Variants in MAGI2 observed in about 807,000 individuals in gnomAD.
The protein encoded by MAGI2 is membrane-associated guanylate kinase, WW and PDZ domain-containing protein 2.
Under a neutral mutation model 133.3 loss-of-function variants are expected in MAGI2, and 35 were observed. The ratio of observed to expected loss-of-function variants is 0.26; its 90% CI spans 0.20 to 0.35. MAGI2 has a LOEUF of 0.35. MAGI2 is among the 10% of genes least tolerant of loss of function. The pLI is 1.00. For synonymous variants in MAGI2, 729 were observed against 710.6 expected (o/e 1.03, Z -0.41); for missense variants, 1,636 against 1,863.4 (o/e 0.88, Z 2.25).
At chr7:78,607,853 A>G (rs1463749888) in intron 3 of MAGI2, among the ~76,000 whole-genome samples, 3 of 151,948 alleles carry the variant, frequency 2.0e-5, no homozygotes, top group African/African-American at 7.2e-5. Context: ...CGCCTCTGGT[A>G]CTCTCCAAGT....
intron 3 of MAGI2, 55 bp downstream of exon 3, chr7:78,627,065 G>T: frequency 1.3e-6 from 2 of 1,501,362 alleles, no homozygotes; most frequent in South Asian, 1.4e-5. Context: ...CATTTCCATC[G>T]AATGAGAAAA....
intron 2 of MAGI2, among the ~76,000 whole-genome samples, chr7:78,915,139 C>T (rs1046249272): frequency 1.3e-5 from 2 of 152,038 alleles, no homozygotes; most frequent in African/African-American, 4.8e-5. Flanking sequence ...ACTATTTGCT[C>T]CCGCTATAAT....
intron 2 of MAGI2, among the ~76,000 whole-genome samples, chr7:78,939,190 C>T (rs1800777596): frequency 6.6e-6 from 1 of 151,904 alleles, no homozygotes; most frequent in Admixed American, 6.6e-5. Context: ...GATGGGGTTC[C>T]ACCACGTTGG....
chr7:79,312,649 A>C (rs1270253410), intron 1 of MAGI2, among the ~76,000 whole-genome samples: 2 of 152,164 alleles, frequency 1.3e-5, no homozygotes, highest in Non-Finnish European at 2.9e-5. Flanking sequence ...CAAAATACAA[A>C]GTACCTAAAT....
intron 11 of MAGI2, among the ~76,000 whole-genome samples, chr7:78,195,614 A>G (rs980989396): frequency 6.6e-6 from 1 of 152,164 alleles, no homozygotes; most frequent in Non-Finnish European, 1.5e-5. Context: ...GGGATTGTTC[A>G]AAGTCTTCTA....
At chr7:79,249,697 A>C (rs1325510967) in intron 1 of MAGI2, among the ~76,000 whole-genome samples, 1 of 152,140 alleles carries the variant, frequency 6.6e-6, no homozygotes, top group East Asian at 1.9e-4. Context: ...TGATGGCTTC[A>C]CTCCTAAATG....
chr7:79,123,884 G>T (rs543728472), intron 1 of MAGI2, among the ~76,000 whole-genome samples: 1 of 149,094 alleles, frequency 6.7e-6, no homozygotes, highest in Non-Finnish European at 1.5e-5. Flanking sequence ...TATTTTACTC[G>T]TTCTTTTAGT....
chr7:79,450,617 C>A (rs1450886246), intron 1 of MAGI2, among the ~76,000 whole-genome samples: 1 of 152,064 alleles, frequency 6.6e-6, no homozygotes, highest in Non-Finnish European at 1.5e-5. Context: ...AAGAGACTTT[C>A]CCCTCAATAT....
At chr7:78,075,558 A>T (rs1267692510) in intron 21 of MAGI2, among the ~76,000 whole-genome samples, 1 of 151,730 alleles carries the variant, frequency 6.6e-6, no homozygotes, top group African/African-American at 2.4e-5. Context: ...TTGTATTTTT[A>T]GTAGAGACGG....
intron 1 of MAGI2, among the ~76,000 whole-genome samples, chr7:79,246,490 G>A (rs984488171): frequency 6.6e-6 from 1 of 152,190 alleles, no homozygotes; most frequent in Non-Finnish European, 1.5e-5. Flanking sequence ...AAATTCTGGA[G>A]TTGAAAATGC....
At chr7:79,390,722 G>A (rs765228660) in intron 1 of MAGI2, among the ~76,000 whole-genome samples, 1 of 152,156 alleles carries the variant, frequency 6.6e-6, no homozygotes, top group Non-Finnish European at 1.5e-5. Context: ...CCTATTCTTC[G>A]AAGCGTGGAT....
At chr7:78,917,496 T>A (rs1300276979) in intron 2 of MAGI2, among the ~76,000 whole-genome samples, 2 of 152,120 alleles carry the variant, frequency 1.3e-5, no homozygotes, top group Non-Finnish European at 1.5e-5. Flanking sequence ...GTCCTTGTGA[T>A]GTCTAGGATG....
chr7:79,197,635 G>T (rs1828201167), intron 1 of MAGI2, among the ~76,000 whole-genome samples: 1 of 152,020 alleles, frequency 6.6e-6, no homozygotes, highest in African/African-American at 2.4e-5. Context: ...CAGTCTGTTT[G>T]TTGCTGCTGT....
chr7:78,488,024 A>G (rs1487082536), intron 6 of MAGI2, among the ~76,000 whole-genome samples: 4 of 152,224 alleles, frequency 2.6e-5, no homozygotes, highest in Middle Eastern at 3.4e-3. Context: ...GGTGTCCAGA[A>G]TAATAACATT....
intron 20 of MAGI2, among the ~76,000 whole-genome samples, chr7:78,105,398 T>C (rs1818583621): frequency 6.6e-6 from 1 of 152,152 alleles, no homozygotes; most frequent in Non-Finnish European, 1.5e-5. Flanking sequence ...TCCTGGGGTC[T>C]GAGCAACTTC....
At chr7:78,278,431 G>GT (rs1379822755) in intron 9 of MAGI2, among the ~76,000 whole-genome samples, 1 of 152,072 alleles carries the variant, frequency 6.6e-6, no homozygotes, top group Non-Finnish European at 1.5e-5. Flanking sequence ...GATTGATATG[G>GT]TTTTTATAAG....
At chr7:78,325,524 G>A (rs1457280953) in intron 9 of MAGI2, among the ~76,000 whole-genome samples, 3 of 152,102 alleles carry the variant, frequency 2.0e-5, no homozygotes, top group Non-Finnish European at 2.9e-5. Context: ...TACTTGACTC[G>A]TTCTCCACCC....
intron 9 of MAGI2, among the ~76,000 whole-genome samples, chr7:78,287,461 T>C (rs1320058245): frequency 6.6e-6 from 1 of 152,184 alleles, no homozygotes; most frequent in African/African-American, 2.4e-5. Flanking sequence ...GCATATCATG[T>C]AGACAATGAA....
intron 10 of MAGI2, among the ~76,000 whole-genome samples, chr7:78,211,936 T>C (rs1444437301): frequency 6.6e-6 from 1 of 152,238 alleles, no homozygotes; most frequent in East Asian, 1.9e-4. Flanking sequence ...CTCCTGATCC[T>C]GGTTAGGTGA....
Sources: gnomAD v4.1 joint callset for allele counts (sites outside exome capture counted in the v4.1 genomes callset) on GRCh38, gnomAD v4.1.1 for gene constraint, MANE v1.5 for transcripts, NCBI Gene and HGNC (gene_info 2026-07-23, HGNC 2026-07-21) for gene names.